Variants in MCC observed in about 807,000 individuals in gnomAD.
MCC encodes the protein MCC regulator of Wnt signaling pathway, also known as colorectal mutant cancer protein.
Under a neutral mutation model 116.2 loss-of-function variants are expected in MCC, and 90 were observed. The observed-to-expected ratio is 0.77, with a 90% CI of 0.65 to 0.92. The LOEUF (loss-of-function observed/expected upper bound fraction) is 0.92, where lower values mean the gene tolerates loss of function less well. MCC is among the 40% of genes least tolerant of loss of function. The probability of loss-of-function intolerance (pLI) is 0.00; values close to 1 mark genes in which losing one functional copy is unlikely to be tolerated. For missense variants in MCC, 1,516 were observed against 1,312.2 expected, an observed-to-expected ratio of 1.16 and a Z score of -2.40; for synonymous variants, 578 against 510.5, an observed-to-expected ratio of 1.13 and a Z score of -1.78.
chr5:113,083,628 TCCACAAA>T (rs1755011346), intron 10 of MCC, among the ~76,000 whole-genome samples: 1 of 152,162 alleles, frequency 6.6e-6, no homozygotes. Context: ...GTTTCCAGAC[TCCACAAA>T]TGAAAACTCT....
chr5:113,241,747 C>T (rs1339804651), intron 3 of MCC, among the ~76,000 whole-genome samples: 1 of 152,214 alleles, frequency 6.6e-6, no homozygotes, highest in Non-Finnish European at 1.5e-5. Flanking sequence ...GGGGTCTCCA[C>T]TGTTCCTTTC....
chr5:113,232,384 A>T (rs1561474141), intron 3 of MCC, among the ~76,000 whole-genome samples: 1 of 152,170 alleles, frequency 6.6e-6, no homozygotes, highest in Non-Finnish European at 1.5e-5. Flanking sequence ...AATCTTCCAG[A>T]ATTGGATGCC....
chr5:113,044,516 G>A (rs998084500), intron 16 of MCC: 7 of 979,190 alleles, frequency 7.1e-6, no homozygotes, highest in Middle Eastern at 1.1e-3. Context: ...CTACCAAGCT[G>A]CAGACCTGAG....
intron 2 of MCC, among the ~76,000 whole-genome samples, chr5:113,366,628 T>TA (rs1218817994): frequency 1.4e-4 from 22 of 152,118 alleles, no homozygotes; most frequent in Non-Finnish European, 1.8e-4. Context: ...CCAGAGTCCA[T>TA]AAGGTCATGT....
At chr5:113,358,515 G>A (rs1768468043) in intron 2 of MCC, among the ~76,000 whole-genome samples, 5 of 152,150 alleles carry the variant, frequency 3.3e-5, no homozygotes, top group Non-Finnish European at 7.3e-5. Context: ...GGGATCCTGA[G>A]ACCTGTATTA....
Position 113,348,374 on chromosome 5 carries a change from C to G in MCC, c.416-7644G>C, listed in dbSNP as rs114947243. Among the ~76,000 whole-genome samples the G allele has an allele frequency of 6.8e-3, 1,030 of 152,092 alleles. 9 individuals carry two copies. Among genetic ancestry groups the G allele is most frequent in the African/African-American group, 0.023 (963 of 41,510 alleles). On this transcript the variant is annotated intron_variant, in intron 2 of 18. Transcript: ENST00000408903. ...AAATAATATCAAGCATCTTCTTTGA[C>G]CACAAAGGAATACAACTGGAAATCA...
chr5:113,294,587 G>C (rs920165748), intron 3 of MCC: 29 of 1,244,374 alleles, frequency 2.3e-5, no homozygotes, highest in Admixed American at 8.2e-5. Context: ...TTTCACGGAC[G>C]AGCCATTGCT....
At chr5:113,341,164 C>CTCCT (rs796984415) in intron 2 of MCC, among the ~76,000 whole-genome samples, 56 of 152,026 alleles carry the variant, frequency 3.7e-4, no homozygotes, top group African/African-American at 1.1e-3. Context: ...CTCTCTTTTT[C>CTCCT]TCCTTCCTTC....
chr5:113,362,532 T>C (rs1768575694), intron 2 of MCC, among the ~76,000 whole-genome samples: 1 of 152,212 alleles, frequency 6.6e-6, no homozygotes, highest in African/African-American at 2.4e-5. Flanking sequence ...TTTTTTTCTT[T>C]TTTTTGGGCC....
At chr5:113,255,118 T>C (rs1202399623) in intron 3 of MCC, among the ~76,000 whole-genome samples, 1 of 152,256 alleles carries the variant, frequency 6.6e-6, no homozygotes, top group East Asian at 1.9e-4. Context: ...TGAGCCGAGA[T>C]TGCACCACTG....
chr5:113,097,247 A>G (rs1756081718), intron 8 of MCC, among the ~76,000 whole-genome samples: 1 of 152,236 alleles, frequency 6.6e-6, no homozygotes, highest in South Asian at 2.1e-4. Context: ...CAAAGAAGAA[A>G]AAAAGCAATC....
chr5:113,407,463 G>C (rs1020644010), intron 1 of MCC, among the ~76,000 whole-genome samples: 1 of 152,050 alleles, frequency 6.6e-6, no homozygotes, highest in African/African-American at 2.4e-5. Context: ...CAAAAACTGG[G>C]ACCATTTCCT....
intron 18 of MCC, among the ~76,000 whole-genome samples, chr5:113,028,090 G>A (rs1305007296): frequency 1.3e-5 from 2 of 152,202 alleles, no homozygotes; most frequent in Non-Finnish European, 2.9e-5. Context: ...TCCATTCCAT[G>A]TACAGTCATT....
intron 1 of MCC, among the ~76,000 whole-genome samples, chr5:113,468,292 C>T (rs925892474): frequency 3.8e-4 from 58 of 152,248 alleles, no homozygotes; most frequent in Admixed American, 5.9e-4. Flanking sequence ...AGTTTTTGCC[C>T]ATTCAGTATA....
chr5:113,367,639 GAAGAGAGAGA>G (rs1561540240), intron 2 of MCC, among the ~76,000 whole-genome samples: 2 of 84,220 alleles, frequency 2.4e-5, no homozygotes, highest in Non-Finnish European at 4.6e-5. Context: ...TGGGGGGGGG[GAAGAGAGAGA>G]GAAAGAGAGA....
chr5:113,064,076 G>A lies in MCC; in HGVS notation c.2121C>T (p.Leu707=), dbSNP rs202026229. The change falls in exon 14 of 19, where the codon CTC becomes CTT. Residue 707 remains leucine, a synonymous_variant. Coordinates refer to ENST00000408903, the MANE Select transcript of MCC (RefSeq NM_001085377.2). ...CCCCACAGCTGCCGTCCAGCTTCAT[G>A]AGCAGGGCCTTGGCAGCGTTCTCAG... is the stretch of plus-strand genomic sequence containing the variant. The part of the protein sequence containing the change: ...KTAENAAKAL[L]MKLDGSCGGA... 221 of 1,614,226 alleles carry A rather than the reference G, an allele frequency of 1.4e-4. No homozygotes were observed. The highest frequency in any genetic ancestry group is 1.7e-4 in the Middle Eastern group (1 of 6,056).
At chr5:113,311,019 C>T (rs573113762) in intron 3 of MCC, among the ~76,000 whole-genome samples, 1 of 152,270 alleles carries the variant, frequency 6.6e-6, no homozygotes, top group African/African-American at 2.4e-5. Context: ...AATCTCAGTA[C>T]TTTGAGAGAC....
At chr5:113,432,320 CAAA>C (rs66577040) in intron 1 of MCC, among the ~76,000 whole-genome samples, 5 of 68,610 alleles carry the variant, frequency 7.3e-5, no homozygotes, top group Non-Finnish European at 1.1e-4. Flanking sequence ...GACTCTGTCT[CAAA>C]AAAAAAAAAA....
intron 13 of MCC, among the ~76,000 whole-genome samples, chr5:113,067,225 G>C (rs1219234427): frequency 6.6e-6 from 1 of 152,170 alleles, no homozygotes; most frequent in African/African-American, 2.4e-5. Context: ...TCCCCGGGCT[G>C]GGGGAAGGAC....
Sources: gnomAD v4.1 joint callset for allele counts (sites outside exome capture counted in the v4.1 genomes callset) on GRCh38, gnomAD v4.1.1 for gene constraint, MANE v1.5 for transcripts, NCBI Gene and HGNC (gene_info 2026-07-23, HGNC 2026-07-21) for gene names.